The following CMTM4 variants were observed in gnomAD, a reference collection of about 807,000 sequenced individuals.
CMTM4 encodes the protein CKLF-like MARVEL transmembrane domain-containing protein 4.
In CMTM4, 8 loss-of-function variants were observed where a neutral mutation model predicts 19.0. The observed-to-expected ratio is 0.42, with a 90% CI of 0.25 to 0.76. The LOEUF is 0.76. Among genes scored for constraint, CMTM4 ranks in the 30% least tolerant of loss-of-function variants. The pLI, the probability that CMTM4 is intolerant of heterozygous loss-of-function variation, is 0.27. For synonymous variants in CMTM4, 106 were observed against 121.1 expected (o/e 0.88, Z 0.82); for missense variants, 228 against 290.2 (o/e 0.79, Z 1.56).
chr16:66,622,405 A>G lies in CMTM4; in HGVS notation c.463-183T>C, dbSNP rs1308856787. 2.6e-5 allele frequency among the ~76,000 whole-genome samples: 4 copies of G among 152,088 alleles called. No homozygotes were observed. Among genetic ancestry groups the G allele is most frequent in the Admixed American group, 6.5e-5 (1 of 15,270 alleles). On this transcript the variant is annotated intron_variant, in intron 3 of 3. Coordinates refer to ENST00000394106, the MANE Select transcript of CMTM4 (RefSeq NM_181521.3). This position sits in a 1 kb window ranked among gnomAD's most constrained non-coding sequence, Gnocchi z 4.0. ...CCATTTGATCTAAAGTCTTGTTTCA[A>G]ATACATATGACGGGGTGGCTCAGAG...
chr16:66,604,909 C>T, the CMTM4 span: 15 of 1,473,744 alleles, frequency 1.0e-5, no homozygotes, highest in Non-Finnish European at 1.2e-5. Context: ...CCGGCGCGGG[C>T]TTTCCTCTGC....
At chr16:66,612,848 G>A (rs1312779068), downstream of CMTM4, 4 of 610,816 alleles carry the variant, frequency 6.5e-6, no homozygotes, top group South Asian at 5.8e-5. This position sits in a 1 kb window ranked among gnomAD's most constrained non-coding sequence, Gnocchi z 6.0. Flanking sequence ...TGCGTATGAG[G>A]GCATCTTGGG....
chr16:66,646,643 G>A (rs2144830809), intron 1 of CMTM4, among the ~76,000 whole-genome samples: 1 of 151,540 alleles, frequency 6.6e-6, no homozygotes, highest in South Asian at 2.1e-4. Flanking sequence ...AAACATCCAG[G>A]TTATGAGTTA....
At position 66,622,380 on chromosome 16, in the gene CMTM4, C is replaced by T. The variant is rs2015656261; in HGVS notation, c.463-158G>A. Among the ~76,000 whole-genome samples, 2 of 152,122 alleles carry T rather than the reference C, an allele frequency of 1.3e-5. No individual in the cohort carries two copies. The highest frequency in any genetic ancestry group is 1.3e-4 in the Admixed American group (2 of 15,268). ...TGATCTCTTCCCCCTCTCAGCAGCC[C>T]CATTTGATCTAAAGTCTTGTTTCAA... On this transcript the variant is annotated intron_variant, in intron 3 of 3. Transcript: ENST00000394106. This position sits in a 1 kb window ranked among gnomAD's most constrained non-coding sequence, Gnocchi z 4.0.
chr16:66,610,716 G>A (rs1004817396), downstream of CMTM4: 46 of 397,998 alleles, frequency 1.2e-4, no homozygotes, highest in East Asian at 9.6e-4. This position sits in a 1 kb window ranked among gnomAD's most constrained non-coding sequence, Gnocchi z 4.6. Flanking sequence ...ATGTGCCCCT[G>A]TGCTGGCAGT....
In CMTM4 at chr16:66,623,908, C is replaced by T. The variant is rs543825490; in HGVS notation, c.364-406G>A. ...CAGCATTCCCTGCACTCACATGTGA[C>T]ATTCAAAACAAACTTTCACACAGAG... On this transcript the variant is annotated intron_variant, in intron 2 of 3. Transcript: ENST00000394106. 2.6e-5 allele frequency among the ~76,000 whole-genome samples: 4 copies of T among 152,292 alleles called. No individual in the cohort carries two copies. In the South Asian group the frequency reaches 6.2e-4, roughly 24 times the overall value.
chr16:66,618,049 C>A lies in CMTM4; in HGVS notation c.*4009G>T. 1 of 985,524 alleles carries A rather than the reference C, an allele frequency of 1.0e-6. No homozygotes were observed. Among genetic ancestry groups the A allele is most frequent in the Non-Finnish European group, 1.2e-6 (1 of 830,004 alleles). The allele number at this position is 985,524 out of a possible 1,614,324, so 61.0% of individuals were successfully genotyped here. A position where few individuals can be genotyped will look rare whatever the true frequency, so the allele number is the denominator to read the frequency against. On this transcript the variant is annotated 3_prime_UTR_variant, in exon 4 of 4. Coordinates refer to ENST00000394106, the MANE Select transcript of CMTM4 (RefSeq NM_181521.3). ...CAGACCTGGCCGTGTGTGGACCTCA[C>A]CAGCCTACCAAGCTGTTGGGCCTGG... is the stretch of plus-strand genomic sequence containing the variant.
chr16:66,693,530 T>TG (rs553354082), intron 1 of CMTM4, among the ~76,000 whole-genome samples: 8 of 152,354 alleles, frequency 5.3e-5, no homozygotes, highest in African/African-American at 1.7e-4. Flanking sequence ...TCCAATTTCT[T>TG]GGAGTTTTGT....
chr16:66,688,466 CAA>C (rs912756343), intron 1 of CMTM4, among the ~76,000 whole-genome samples: 52 of 151,934 alleles, frequency 3.4e-4, no homozygotes, highest in African/African-American at 1.2e-3. Flanking sequence ...AGTAGCTTGC[CAA>C]AAGTCTCATG....
At position 66,696,593 on chromosome 16, in the gene CMTM4, GGCCGCCGCATCGCCGCCGCC is replaced by G. The variant is rs963852008; in HGVS notation, c.-88_-69del. The G allele has an allele frequency of 4.7e-5, 47 of 996,122 alleles. No homozygotes were observed. The highest frequency in any genetic ancestry group is 5.5e-5 in the Non-Finnish European group (45 of 823,648). 61.7% of individuals were successfully genotyped at this position (996,122 alleles called of 1,614,324 possible). A position where few individuals can be genotyped will look rare whatever the true frequency, so the allele number is the denominator to read the frequency against. On this transcript the variant is annotated 5_prime_UTR_variant, in exon 1 of 4. An upstream start codon of the reference 5' UTR is lost. Coordinates refer to ENST00000394106, the MANE Select transcript of CMTM4 (RefSeq NM_181521.3). The surrounding 1 kb of genome is among the most constrained non-coding windows in gnomAD (Gnocchi z 4.3). ...CGCCAGGAGCGGGCGGACTCAGCGG[GGCCGCCGCATCGCCGCCGCC>G]GCCGCCGCCGCCGCCGCCCGACTGA...
At chr16:66,686,272 A>G (rs899413335) in intron 1 of CMTM4, among the ~76,000 whole-genome samples, 1 of 149,696 alleles carries the variant, frequency 6.7e-6, no homozygotes, top group Non-Finnish European at 1.5e-5. Flanking sequence ...AAAAAACAAC[A>G]AAGTTCCAGC....
Position 66,618,258 on chromosome 16 carries a change from C to T in CMTM4, c.*3800G>A, listed in dbSNP as rs547117231. The T allele has an allele frequency of 1.0e-6, 1 of 985,474 alleles. No homozygotes were observed. The highest frequency in any genetic ancestry group is 1.1e-4 in the East Asian group (1 of 8,814). The allele number at this position is 985,474 out of a possible 1,614,324, so 61.0% of individuals were successfully genotyped here. ...TTGGCCTAGAAACTTTTTCCCCTTT[C>T]TGATACCTGTTTAACGTCATTATTA... On this transcript the variant is annotated 3_prime_UTR_variant, in exon 4 of 4. Transcript: ENST00000394106.
Position 66,617,674 on chromosome 16 carries a change from G to A in CMTM4, c.*4384C>T. ...TGACTTGAATGATATCTGCTGAGAAGAGAAGAAACACAAGATTCTACAAAG... is the reference window on the plus strand; with the variant it reads ...TGACTTGAATGATATCTGCTGAGAAAAGAAGAAACACAAGATTCTACAAAG... On this transcript the variant is annotated 3_prime_UTR_variant, in exon 4 of 4. Coordinates refer to ENST00000394106, the MANE Select transcript of CMTM4 (RefSeq NM_181521.3). 3.7e-6 allele frequency: 4 copies of A among 1,071,998 alleles called. No individual in the cohort carries two copies. The highest frequency in any genetic ancestry group is 4.5e-6 in the Non-Finnish European group (4 of 883,096). 66.4% of individuals were successfully genotyped at this position (1,071,998 alleles called of 1,614,324 possible). A position where few individuals can be genotyped will look rare whatever the true frequency, so the allele number is the denominator to read the frequency against.
In CMTM4 at chr16:66,621,163, T is replaced by C. The variant is rs1431910179; in HGVS notation, c.*895A>G. On this transcript the variant is annotated 3_prime_UTR_variant, in exon 4 of 4. Coordinates refer to ENST00000394106, the MANE Select transcript of CMTM4 (RefSeq NM_181521.3). ...ATAGAGGGGTGTGTGTGTGCATGTG[T>C]GCGCGCACGCGTGTGCATGCTGTTT... 18 of 985,766 alleles carry C rather than the reference T, an allele frequency of 1.8e-5. No homozygotes were observed. The highest frequency in any genetic ancestry group is 2.2e-5 in the Non-Finnish European group (18 of 829,934). The allele number at this position is 985,766 out of a possible 1,614,324, so 61.1% of individuals were successfully genotyped here. A position where few individuals can be genotyped will look rare whatever the true frequency, so the allele number is the denominator to read the frequency against.
rs77535676 is a variant in CMTM4, at chr16:66,638,323, G to C, written c.187-1742C>G. Among the ~76,000 whole-genome samples, 45 of 152,270 alleles carry C rather than the reference G, an allele frequency of 3.0e-4. No individual in the cohort carries two copies. The East Asian group carries it at 7.0e-3, about 24-fold the overall frequency. Reference sequence around the variant, plus strand: ...TAGAAAACCCACATCTACAATTCCTGGTTGCCTGGTCAGTGTCTTCAGGCG... The same window carrying C: ...TAGAAAACCCACATCTACAATTCCTCGTTGCCTGGTCAGTGTCTTCAGGCG... On this transcript the variant is annotated intron_variant, in intron 1 of 3. Transcript: ENST00000394106.
chr16:66,608,770 G>A, the CMTM4 span, among the ~76,000 whole-genome samples: 2 of 152,204 alleles, frequency 1.3e-5, no homozygotes. The surrounding 1 kb of genome is among the most constrained non-coding windows in gnomAD (Gnocchi z 5.1). Context: ...GCCGCCACAG[G>A]AATTCAAGCC....
intron 1 of CMTM4, among the ~76,000 whole-genome samples, chr16:66,688,504 A>G (rs1432213940): frequency 2.0e-5 from 3 of 150,414 alleles, no homozygotes; most frequent in Admixed American, 2.0e-4. Flanking sequence ...GAAGTCCATC[A>G]TACTCTCAGA....
chr16:66,629,522 G>A (rs2015808347), intron 2 of CMTM4, among the ~76,000 whole-genome samples: 1 of 152,154 alleles, frequency 6.6e-6, no homozygotes, highest in African/African-American at 2.4e-5. Flanking sequence ...GTGCTATAAT[G>A]AAAAATATTT....
Position 66,617,910 on chromosome 16 carries a change from C to CA in CMTM4, c.*4147dup, listed in dbSNP as rs1229634736. 2 of 987,916 alleles carry CA rather than the reference C, an allele frequency of 2.0e-6. No homozygotes were observed. Among genetic ancestry groups the CA allele is most frequent in the Non-Finnish European group, 2.4e-6 (2 of 831,724 alleles). 61.2% of individuals were successfully genotyped at this position (987,916 alleles called of 1,614,324 possible). On this transcript the variant is annotated 3_prime_UTR_variant, in exon 4 of 4. Coordinates refer to ENST00000394106, the MANE Select transcript of CMTM4 (RefSeq NM_181521.3). ...TGGAACGCGAGACAGCTTTCAAAGACAAGAGGACAGGAAGGCAGTTAACAA... is the reference window on the plus strand; with the variant it reads ...TGGAACGCGAGACAGCTTTCAAAGACAAAGAGGACAGGAAGGCAGTTAACAA...
Sources: gnomAD v4.1 joint callset for allele counts (sites outside exome capture counted in the v4.1 genomes callset) on GRCh38, gnomAD v4.1.1 for gene constraint, Gnocchi (gnomAD v3.1) non-coding constraint, MANE v1.5 for transcripts, NCBI Gene and HGNC (gene_info 2026-07-23, HGNC 2026-07-21) for gene names.